HEMK2: variants seen among roughly 807,000 people sequenced by gnomAD.
The protein encoded by HEMK2 is HemK methyltransferase 2, ETF1 glutamine and histone H4 lysine.
chr21:28,634,808 T>A, the HEMK2 span, among the ~76,000 whole-genome samples: 7 of 152,178 alleles, frequency 4.6e-5, no homozygotes, highest in Non-Finnish European at 7.3e-5. Context: ...ATACTGCATA[T>A]AAAGTTTCTA....
the HEMK2 span, among the ~76,000 whole-genome samples, chr21:28,859,992 C>G: frequency 6.6e-6 from 1 of 152,054 alleles, no homozygotes; most frequent in South Asian, 2.1e-4. Context: ...TTATTATTGT[C>G]TTTATTTGAA....
chr21:28,749,828 T>C, the HEMK2 span, among the ~76,000 whole-genome samples: 1 of 152,208 alleles, frequency 6.6e-6, no homozygotes, highest in Non-Finnish European at 1.5e-5. Flanking sequence ...GGGTATCTCT[T>C]ACGAGAACAT....
the HEMK2 span, among the ~76,000 whole-genome samples, chr21:28,639,800 T>C: frequency 4.6e-5 from 7 of 152,232 alleles, no homozygotes; most frequent in Non-Finnish European, 1.0e-4. Context: ...AAATCTGGTT[T>C]ACACATTATT....
At chr21:28,885,233 G>T in the HEMK2 span, 1,835 of 1,586,302 alleles carry the variant, frequency 1.2e-3, 3 homozygotes, top group Non-Finnish European at 1.5e-3. Flanking sequence ...GGCAGCCGCT[G>T]CCTCCAGCGC....
chr21:28,839,349 T>C, the HEMK2 span, among the ~76,000 whole-genome samples: 18 of 152,112 alleles, frequency 1.2e-4, no homozygotes, highest in South Asian at 2.1e-4. Flanking sequence ...CTCTTCAACA[T>C]AGTACTGGAT....
At chr21:28,851,367 C>T in the HEMK2 span, among the ~76,000 whole-genome samples, 1 of 152,138 alleles carries the variant, frequency 6.6e-6, no homozygotes, top group Admixed American at 6.5e-5. Flanking sequence ...AGAACCTTCT[C>T]TTGTTCTGGA....
the HEMK2 span, among the ~76,000 whole-genome samples, chr21:28,808,564 G>A: frequency 6.6e-6 from 1 of 151,862 alleles, no homozygotes; most frequent in African/African-American, 2.4e-5. Flanking sequence ...ATTTCCCTTG[G>A]CATTGCTTTG....
the HEMK2 span, among the ~76,000 whole-genome samples, chr21:28,649,248 A>G: frequency 2.0e-5 from 3 of 152,142 alleles, no homozygotes; most frequent in Non-Finnish European, 2.9e-5. Flanking sequence ...TAGCTAAATT[A>G]AAAGAGGAAG....
the HEMK2 span, among the ~76,000 whole-genome samples, chr21:28,575,679 T>G: frequency 1.3e-5 from 2 of 152,166 alleles, no homozygotes. Flanking sequence ...TTCAATAAAT[T>G]TTGACAAATG....
chr21:28,723,176 A>T, the HEMK2 span, among the ~76,000 whole-genome samples: 5 of 148,912 alleles, frequency 3.4e-5, no homozygotes, highest in Non-Finnish European at 7.4e-5. Flanking sequence ...TGACCAGCTA[A>T]TTTTTTTTTA....
the HEMK2 span, among the ~76,000 whole-genome samples, chr21:28,785,096 C>T: frequency 6.6e-6 from 1 of 152,148 alleles, no homozygotes; most frequent in African/African-American, 2.4e-5. Context: ...TGCAGCTTCA[C>T]TCCTGAAGCC....
chr21:28,836,661 A>T, the HEMK2 span, among the ~76,000 whole-genome samples: 13 of 152,250 alleles, frequency 8.5e-5, no homozygotes, highest in Non-Finnish European at 1.6e-4. Flanking sequence ...CTCACATTTC[A>T]ATACTAACAT....
chr21:28,768,833 G>A, the HEMK2 span, among the ~76,000 whole-genome samples: 1 of 151,846 alleles, frequency 6.6e-6, no homozygotes, highest in Non-Finnish European at 1.5e-5. Flanking sequence ...AATTAAATGA[G>A]GTCATAAGGG....
the HEMK2 span, among the ~76,000 whole-genome samples, chr21:28,598,936 A>C: frequency 6.6e-6 from 1 of 152,190 alleles, no homozygotes; most frequent in African/African-American, 2.4e-5. Context: ...GTAGTTACTG[A>C]TAAGGTCAGA....
chr21:28,666,215 A>G, the HEMK2 span, among the ~76,000 whole-genome samples: 2 of 152,170 alleles, frequency 1.3e-5, no homozygotes, highest in African/African-American at 4.8e-5. Context: ...ATTGGAAGGA[A>G]GGAAGATTTC....
At chr21:28,831,458 AGAAC>A in the HEMK2 span, among the ~76,000 whole-genome samples, 4 of 37,542 alleles carry the variant, frequency 1.1e-4, no homozygotes, top group East Asian at 2.2e-3. Flanking sequence ...AAGAAAGAAA[AGAAC>A]GAAAGAAAGA....
At chr21:28,691,262 C>T in the HEMK2 span, among the ~76,000 whole-genome samples, 4 of 152,112 alleles carry the variant, frequency 2.6e-5, 1 homozygote, top group Admixed American at 1.3e-4. Flanking sequence ...AGGGACTGAA[C>T]GCTTGGGTTT....
chr21:28,588,902 G>GA, the HEMK2 span, among the ~76,000 whole-genome samples: 2 of 149,650 alleles, frequency 1.3e-5, no homozygotes, highest in East Asian at 4.0e-4. Flanking sequence ...AGAATGGCAT[G>GA]AACCCAGGAG....
chr21:28,642,140 A>G, the HEMK2 span, among the ~76,000 whole-genome samples: 26 of 152,332 alleles, frequency 1.7e-4, no homozygotes, highest in African/African-American at 4.8e-4. Context: ...AGCTTACTGA[A>G]TACTAGTAGT....
Sources: allele counts gnomAD v4.1 joint callset (sites outside exome capture counted in the v4.1 genomes callset), GRCh38; gene constraint gnomAD v4.1.1; transcripts MANE v1.5; gene names NCBI Gene and HGNC (gene_info 2026-07-23, HGNC 2026-07-21).